Variants in LRRC4C observed in about 807,000 individuals in gnomAD.
The protein encoded by LRRC4C is leucine rich repeat containing 4C.
In LRRC4C, 5 loss-of-function variants were observed where a neutral mutation model predicts 33.6. The ratio of observed to expected loss-of-function variants is 0.15; its 90% CI spans 0.08 to 0.31. LRRC4C has a LOEUF of 0.31. Among genes scored for constraint, LRRC4C ranks in the 10% least tolerant of loss-of-function variants. LRRC4C has a pLI of 1.00. For synonymous variants in LRRC4C, 329 were observed against 302.0 expected, an observed-to-expected ratio of 1.09 and a Z score of -0.93; for missense variants, 560 against 796.7, an observed-to-expected ratio of 0.70 and a Z score of 3.58.
At chr11:40,419,681 C>A (rs1414053931) in intron 3 of LRRC4C, among the ~76,000 whole-genome samples, 2 of 152,176 alleles carry the variant, frequency 1.3e-5, no homozygotes, top group Non-Finnish European at 2.9e-5. Flanking sequence ...ATAAAAATGA[C>A]ACTTGAGGGA....
intron 5 of LRRC4C, among the ~76,000 whole-genome samples, chr11:40,197,895 C>T (rs1862393036): frequency 1.3e-5 from 2 of 152,130 alleles, no homozygotes; most frequent in African/African-American, 4.8e-5. Flanking sequence ...TATTATTAAG[C>T]ACCTATTATG....
chr11:40,214,365 C>A (rs1405106443), intron 5 of LRRC4C, among the ~76,000 whole-genome samples: 1 of 152,116 alleles, frequency 6.6e-6, no homozygotes, highest in Non-Finnish European at 1.5e-5. Flanking sequence ...GAGACATATT[C>A]TGTTCCTAAG....
At chr11:40,891,749 A>G (rs1475564652) in intron 2 of LRRC4C, among the ~76,000 whole-genome samples, 1 of 152,202 alleles carries the variant, frequency 6.6e-6, no homozygotes, top group African/African-American at 2.4e-5. Flanking sequence ...GAAAGACACT[A>G]ATGAATAGTG....
rs780054437 is a variant in LRRC4C at position 40,444,885 on chromosome 11, T to C, written c.-269-125164A>G. The stretch of plus-strand genomic sequence containing the variant: ...ATCTGATGCTTCAAAAGATTAGGTA[T>C]GTATTCTCTCACTTACGTAAGGTAC... On this transcript the variant is annotated intron_variant, in intron 3 of 6. Coordinates refer to ENST00000528697, the MANE Select transcript of LRRC4C (RefSeq NM_001258419.2). 4.2e-4 allele frequency among the ~76,000 whole-genome samples: 64 copies of C among 152,330 alleles called. 1 individual carries two copies. The highest frequency in any genetic ancestry group is 7.8e-4 in the Non-Finnish European group (53 of 68,030).
At chr11:41,170,602 T>A (rs1184871241) in intron 1 of LRRC4C, among the ~76,000 whole-genome samples, 6 of 151,994 alleles carry the variant, frequency 3.9e-5, no homozygotes, top group African/African-American at 7.2e-5. Flanking sequence ...ACAAAAATTA[T>A]TTCAAGATGG....
Position 41,441,675 on chromosome 11 carries a change from T to C in LRRC4C, c.-496+17756A>G, listed in dbSNP as rs183154121. Among the ~76,000 whole-genome samples the C allele has an allele frequency of 9.2e-4, 139 of 151,146 alleles. 1 individual carries two copies. The highest frequency in any genetic ancestry group is 3.3e-3 in the African/African-American group (137 of 41,242). On this transcript the variant is annotated intron_variant, in intron 1 of 6. Coordinates refer to ENST00000528697, the MANE Select transcript of LRRC4C (RefSeq NM_001258419.2). ...TCTCTTCCTTCTATTTCATTCCTTCTGCCTTGAATGTAGAGAAGATGGCAA... is the reference window on the plus strand; with the variant it reads ...TCTCTTCCTTCTATTTCATTCCTTCCGCCTTGAATGTAGAGAAGATGGCAA...
chr11:40,584,593 G>A (rs1958625895), intron 3 of LRRC4C, among the ~76,000 whole-genome samples: 1 of 152,118 alleles, frequency 6.6e-6, no homozygotes, highest in Admixed American at 6.6e-5. Flanking sequence ...CTGGCACACA[G>A]TAAGAGAGAG....
chr11:40,825,969 T>G (rs1295505336), intron 2 of LRRC4C, among the ~76,000 whole-genome samples: 1 of 148,154 alleles, frequency 6.7e-6, no homozygotes, highest in Non-Finnish European at 1.5e-5. Flanking sequence ...ATATATTCAA[T>G]GAGTACAGGA....
rs181421588 is a variant in LRRC4C at position 41,103,817 on chromosome 11, A to G, written c.-495-170094T>C. ...CATGGCAAAAAATTAAGAACTCAGA[A>G]ATGAATCTTAACATTTATGGTCAAC... On this transcript the variant is annotated intron_variant, in intron 1 of 6. Transcript: ENST00000528697. Among the ~76,000 whole-genome samples, 307 of 152,074 alleles carry G rather than the reference A, an allele frequency of 2.0e-3. 1 individual carries two copies. Among genetic ancestry groups the G allele is most frequent in the African/African-American group, 5.9e-3 (245 of 41,548 alleles).
chr11:41,035,216 A>C (rs549391152), intron 1 of LRRC4C, among the ~76,000 whole-genome samples: 1 of 151,302 alleles, frequency 6.6e-6, no homozygotes, highest in East Asian at 1.9e-4. Flanking sequence ...TAAATAAATA[A>C]ATAAATAAAT....
intron 2 of LRRC4C, among the ~76,000 whole-genome samples, chr11:40,687,964 A>C (rs546378246): frequency 6.7e-6 from 1 of 150,044 alleles, no homozygotes; most frequent in African/African-American, 2.4e-5. Flanking sequence ...CAATATTTAA[A>C]TAAGCATAGC....
chr11:40,542,720 T>C (rs1454556538), intron 3 of LRRC4C, among the ~76,000 whole-genome samples: 1 of 152,088 alleles, frequency 6.6e-6, no homozygotes, highest in Non-Finnish European at 1.5e-5. Flanking sequence ...CCTTCAAGGA[T>C]GTGTATGGCC....
At chr11:40,592,132 G>A (rs1412882395) in intron 3 of LRRC4C, among the ~76,000 whole-genome samples, 2 of 152,220 alleles carry the variant, frequency 1.3e-5, no homozygotes, top group Non-Finnish European at 2.9e-5. Flanking sequence ...GGCCAACCCA[G>A]AAAGCAGCCC....
At chr11:40,304,328 A>G (rs1393260600) in intron 4 of LRRC4C, among the ~76,000 whole-genome samples, 3 of 152,202 alleles carry the variant, frequency 2.0e-5, no homozygotes, top group African/African-American at 7.2e-5. Context: ...AATGATGTGA[A>G]TTAATTTCCT....
chr11:41,298,210 A>G (rs1950193758), intron 1 of LRRC4C, among the ~76,000 whole-genome samples: 1 of 152,124 alleles, frequency 6.6e-6, no homozygotes, highest in Non-Finnish European at 1.5e-5. Context: ...TCAGTTTGTC[A>G]ACAAAATGAT....
At chr11:40,373,995 C>T (rs1041941971) in intron 3 of LRRC4C, among the ~76,000 whole-genome samples, 5 of 152,118 alleles carry the variant, frequency 3.3e-5, no homozygotes, top group Non-Finnish European at 5.9e-5. Flanking sequence ...CAAAGATGCT[C>T]AAATAATTGG....
chr11:41,103,029 A>G (rs1941287570), intron 1 of LRRC4C, among the ~76,000 whole-genome samples: 1 of 151,940 alleles, frequency 6.6e-6, no homozygotes. Context: ...AAGAAGATAT[A>G]CTATTCTAAC....
chr11:40,810,822 C>G (rs949494849), intron 2 of LRRC4C, among the ~76,000 whole-genome samples: 49 of 152,278 alleles, frequency 3.2e-4, no homozygotes, highest in African/African-American at 1.2e-3. Flanking sequence ...TTGTTGTTCA[C>G]TACTGGGGCC....
At chr11:41,328,731 C>T (rs561899497) in intron 1 of LRRC4C, among the ~76,000 whole-genome samples, 8 of 152,294 alleles carry the variant, frequency 5.3e-5, no homozygotes, top group African/African-American at 1.7e-4. Flanking sequence ...GCAGTCGTGA[C>T]ATAAAGGACA....
Sources: allele counts gnomAD v4.1 joint callset (sites outside exome capture counted in the v4.1 genomes callset), GRCh38; gene constraint gnomAD v4.1.1; transcripts MANE v1.5; gene names NCBI Gene and HGNC (gene_info 2026-07-23, HGNC 2026-07-21).